MGA: variants seen among roughly 807,000 people sequenced by gnomAD.
MGA encodes the protein MAX dimerization protein MGA.
In MGA, 40 loss-of-function variants were observed where a neutral mutation model predicts 261.1. The ratio of observed to expected loss-of-function variants is 0.15; its 90% CI spans 0.12 to 0.20. The LOEUF (loss-of-function observed/expected upper bound fraction) is 0.20, where lower values mean the gene tolerates loss of function less well. Among genes scored for constraint, MGA ranks in the 10% least tolerant of loss-of-function variants. The pLI is 1.00. For missense variants in MGA, 3,397 were observed against 3,630.5 expected (o/e 0.94, Z 1.65); for synonymous variants, 1,302 against 1,290.6 (o/e 1.01, Z -0.19).
chr15:41,711,184 A>G lies in MGA; in HGVS notation c.2919A>G (p.Ala973=). 1 of 1,613,900 alleles carries G rather than the reference A, an allele frequency of 6.2e-7. No homozygotes were observed. The highest frequency in any genetic ancestry group is 1.1e-5 in the South Asian group (1 of 91,060). The stretch of plus-strand genomic sequence containing the variant: ...CAAAGCAGATTAGTTTGCGGCAGGC[A>G]CAGCAGCAGCAGCAACAGCAACAGG... Residue 973 remains alanine, a synonymous_variant, in exon 8 of 24, where the codon GCA becomes GCG. Coordinates refer to ENST00000219905, the MANE Select transcript of MGA (RefSeq NM_001164273.2).
intron 9 of MGA, among the ~76,000 whole-genome samples, chr15:41,714,490 A>T (rs1234471916): frequency 1.3e-5 from 2 of 152,202 alleles, no homozygotes; most frequent in Admixed American, 1.3e-4. Flanking sequence ...CTTCAGACGT[A>T]TGCCAGTAGT....
intron 8 of MGA, among the ~76,000 whole-genome samples, 167 bp downstream of exon 8, chr15:41,711,516 A>G (rs527687440): frequency 7.2e-5 from 11 of 152,082 alleles, no homozygotes; most frequent in African/African-American, 1.2e-4. Context: ...TTCTTTACCA[A>G]CTAGATACTC....
chr15:41,660,884 C>T (rs372612708), intron 1 of MGA, among the ~76,000 whole-genome samples: 2 of 152,194 alleles, frequency 1.3e-5, no homozygotes, highest in African/African-American at 4.8e-5. Context: ...GTACGGTCCG[C>T]GTGACGACTT....
At chr15:41,734,162 CCT>C (rs145048501) in intron 11 of MGA, among the ~76,000 whole-genome samples, 4 of 152,036 alleles carry the variant, frequency 2.6e-5, no homozygotes, top group South Asian at 4.2e-4. Context: ...CCCACCTCGG[CCT>C]CTCGGAATGC....
intron 2 of MGA, among the ~76,000 whole-genome samples, chr15:41,676,158 A>G (rs1316304459): frequency 6.6e-6 from 1 of 151,926 alleles, no homozygotes; most frequent in East Asian, 1.9e-4. Flanking sequence ...TGAGAATGAC[A>G]TTATTATAGA....
At chr15:41,718,289 G>A (rs1390426345) in intron 9 of MGA, 2 of 211,408 alleles carry the variant, frequency 9.5e-6, no homozygotes, top group Non-Finnish European at 1.7e-5. Context: ...TATATGTAGT[G>A]TGTGTGTGTG....
rs1335405364 is a variant in MGA at position 41,704,685 on chromosome 15, G to C, written c.2189-3043G>C. Among the ~76,000 whole-genome samples, 106 of 152,204 alleles carry C rather than the reference G, an allele frequency of 7.0e-4. 1 individual carries two copies. The highest frequency in any genetic ancestry group is 2.9e-5 in the Non-Finnish European group (2 of 67,990). On this transcript the variant is annotated intron_variant, in intron 5 of 23. Coordinates refer to ENST00000219905, the MANE Select transcript of MGA (RefSeq NM_001164273.2). The stretch of plus-strand genomic sequence containing the variant: ...AAACAAAACAAAACAAAAAAAATTG[G>C]TGATTAGCTGGAGTTTTCCTTATAA...
intron 9 of MGA, among the ~76,000 whole-genome samples, chr15:41,719,778 C>G (rs2060840543): frequency 6.6e-6 from 1 of 151,920 alleles, no homozygotes. Context: ...ATGGTGACAT[C>G]ATATGTTGTA....
At chr15:41,734,384 A>G (rs1595905711) in intron 11 of MGA, 138 bp from the exon 12 acceptor site, 1 of 696,110 alleles carries the variant, frequency 1.4e-6, no homozygotes. Context: ...GTAGATGTGC[A>G]TGTGGATTGA....
intron 2 of MGA, among the ~76,000 whole-genome samples, chr15:41,689,061 A>G (rs1216653878): frequency 6.6e-6 from 1 of 152,010 alleles, no homozygotes; most frequent in African/African-American, 2.4e-5. Flanking sequence ...TCCACATACA[A>G]ATTTGGTGGG....
chr15:41,732,131 TA>T (rs2061538789), intron 11 of MGA, among the ~76,000 whole-genome samples: 1 of 151,444 alleles, frequency 6.6e-6, no homozygotes, highest in Non-Finnish European at 1.5e-5. Flanking sequence ...AAAAAGCCCC[TA>T]AAATCCATTT....
chr15:41,663,885 A>T (rs1165363642), intron 1 of MGA, among the ~76,000 whole-genome samples: 1 of 152,216 alleles, frequency 6.6e-6, no homozygotes. Flanking sequence ...CCCTTTGATT[A>T]GAAAATTCAA....
At chr15:41,659,122 G>C (rs745435086), upstream of MGA, among the ~76,000 whole-genome samples, 1 of 152,156 alleles carries the variant, frequency 6.6e-6, no homozygotes, top group African/African-American at 2.4e-5. Context: ...GAATGCTCTT[G>C]CTGACCGTGC....
At chr15:41,629,189 C>T (rs2056534571) in intron 1 of MGA, among the ~76,000 whole-genome samples, 1 of 150,424 alleles carries the variant, frequency 6.6e-6, no homozygotes, top group African/African-American at 2.5e-5. Flanking sequence ...AAGATAGATG[C>T]AGTGAGAAGT....
In MGA at chr15:41,750,295, A is replaced by G. The variant is rs572525971; in HGVS notation, c.6688A>G (p.Ile2230Val). 1.2e-5 allele frequency: 20 copies of G among 1,614,016 alleles called. No individual in the cohort carries two copies. In the East Asian group the frequency reaches 2.7e-4, roughly 22 times the overall value. The change falls in exon 17 of 24, where the codon ATT (isoleucine) becomes GTT (valine). Residue 2230 changes from isoleucine to valine, a missense_variant. Physicochemically the swap from Ile to Val is conservative, Grantham distance 29. Around this residue, in one of 9 missense-constraint regions of MGA, gnomAD observed 1,410 missense variants for 1,386.4 expected, o/e 1.02. Transcript: ENST00000219905. ...CTCTGACTTACTTGGAAAAAGTGGA[A>G]TTACTGAAGATGCCAGAGTTTTGAA... is the stretch of plus-strand genomic sequence containing the variant.
At chr15:41,762,559 C>T (rs2063541754) in intron 22 of MGA, among the ~76,000 whole-genome samples, 197 bp downstream of exon 22, 1 of 147,706 alleles carries the variant, frequency 6.8e-6, no homozygotes, top group Non-Finnish European at 1.5e-5. Flanking sequence ...ACCTCCACCT[C>T]CCAGGTTCAA....
intron 19 of MGA, chr15:41,760,110 C>T (rs2063368324): frequency 3.8e-6 from 2 of 521,764 alleles, no homozygotes; most frequent in Non-Finnish European, 6.9e-6. Flanking sequence ...CTGGTAAGAT[C>T]ACTTTAGCAT....
rs1183455822 is a variant in MGA at position 41,629,919 on chromosome 15, A to G, written c.-68+8621A>G. 6.6e-5 allele frequency among the ~76,000 whole-genome samples: 10 copies of G among 152,182 alleles called. No homozygotes were observed. The East Asian group carries it at 1.9e-3, about 29-fold the overall frequency. The stretch of plus-strand genomic sequence containing the variant: ...GCAACATGTAAATAGTATAACACTG[A>G]ATAATGCCTTTGAGATGATTATAAT... On this transcript the variant is annotated intron_variant, in intron 1 of 8. Transcript: ENST00000566718.
chr15:41,733,357 G>A (rs1352496751), intron 11 of MGA, among the ~76,000 whole-genome samples: 1 of 152,194 alleles, frequency 6.6e-6, no homozygotes, highest in East Asian at 1.9e-4. Flanking sequence ...TGATAAAAGA[G>A]TCTAGGTGGC....
Sources: gnomAD v4.1 joint callset for allele counts (sites outside exome capture counted in the v4.1 genomes callset) on GRCh38, gnomAD v4.1.1 for gene constraint, gnomAD v4.1.1 regional missense constraint, MANE v1.5 for transcripts, NCBI Gene and HGNC (gene_info 2026-07-23, HGNC 2026-07-21) for gene names.